Variants in CDC42BPB observed in about 807,000 individuals in gnomAD.
CDC42BPB encodes the protein serine/threonine-protein kinase MRCK beta.
In CDC42BPB, 37 loss-of-function variants were observed where a neutral mutation model predicts 214.9. The ratio of observed to expected loss-of-function variants is 0.17; its 90% confidence interval spans 0.13 to 0.23. CDC42BPB has a LOEUF of 0.23. CDC42BPB is among the 10% of genes least tolerant of loss of function. The pLI, the probability that CDC42BPB is intolerant of heterozygous loss-of-function variation, is 1.00. For missense variants in CDC42BPB, 1,694 were observed against 2,227.0 expected (o/e 0.76, Z 4.82); for synonymous variants, 931 against 884.0 (o/e 1.05, Z -0.94).
chr14:103,056,770 A>T (rs568587662), intron 1 of CDC42BPB, among the ~76,000 whole-genome samples: 25 of 152,124 alleles, frequency 1.6e-4, no homozygotes, highest in South Asian at 4.1e-4. Flanking sequence ...TAGGGAGGGC[A>T]AGGAGGGATG....
At chr14:103,042,756 C>A (rs1022337022) in intron 1 of CDC42BPB, among the ~76,000 whole-genome samples, 3 of 152,176 alleles carry the variant, frequency 2.0e-5, no homozygotes, top group African/African-American at 7.2e-5. Flanking sequence ...TGAGAAACGA[C>A]TTCACACCCA....
intron 3 of CDC42BPB, 145 bp downstream of exon 3, chr14:103,008,327 T>A: frequency 1.7e-6 from 1 of 596,454 alleles, no homozygotes; most frequent in Non-Finnish European, 3.0e-6. Flanking sequence ...GACTGAGACC[T>A]CCTCAAAAGA....
At chr14:103,031,951 C>CAACT (rs974195478) in intron 1 of CDC42BPB, among the ~76,000 whole-genome samples, 2 of 151,850 alleles carry the variant, frequency 1.3e-5, no homozygotes, top group African/African-American at 4.8e-5. Context: ...CTCCAGTGAA[C>CAACT]AACTACTATA....
chr14:102,975,757 G>T lies in CDC42BPB; in HGVS notation c.1434C>A (p.Leu478=). 6.2e-7 allele frequency: 1 copy of T among 1,614,062 alleles called. No individual in the cohort carries two copies. Among genetic ancestry groups the T allele is most frequent in the Non-Finnish European group, 8.5e-7 (1 of 1,179,982 alleles). ...TTTCTTTATCTCGGTTTGAATTGCT[G>T]AGGGCCCGAGATGAGCCGTGGAGGG... The part of the protein sequence containing the change: ...VQSLHGSSRA[L]SNSNRDKEIK... Residue 478 remains leucine, a synonymous_variant, in exon 11 of 37, where the codon CTC becomes CTA. Coordinates refer to ENST00000361246, the MANE Select transcript of CDC42BPB (RefSeq NM_006035.4).
chr14:103,002,347 A>T (rs1344080114), intron 4 of CDC42BPB, among the ~76,000 whole-genome samples: 2 of 152,192 alleles, frequency 1.3e-5, no homozygotes, highest in Non-Finnish European at 2.9e-5. Flanking sequence ...GCAACTCCAA[A>T]ATCTCAAGAA....
At position 102,996,966 on chromosome 14, in the gene CDC42BPB, T is replaced by G. The variant is rs921414831; in HGVS notation, c.596+2599A>C. Among the ~76,000 whole-genome samples the G allele has an allele frequency of 1.8e-3, 277 of 152,304 alleles. 2 individuals are homozygous for G. The highest frequency in any genetic ancestry group is 6.4e-3 in the African/African-American group (267 of 41,564). On this transcript the variant is annotated intron_variant, in intron 5 of 36. Transcript: ENST00000361246. ...TCTATCGGGACAGCTCCCTGTGTGC[T>G]GGGAGGTGCGAGCCATCAGCAATGA... is the stretch of plus-strand genomic sequence containing the variant.
intron 1 of CDC42BPB, 75 bp downstream of exon 1, chr14:103,056,924 G>A: frequency 9.2e-7 from 1 of 1,087,460 alleles, no homozygotes; most frequent in Non-Finnish European, 1.2e-6. Context: ...GCGGGGATGG[G>A]CGGGCGTGGG....
At chr14:102,997,656 G>T (rs941383922) in intron 5 of CDC42BPB, among the ~76,000 whole-genome samples, 6 of 152,176 alleles carry the variant, frequency 3.9e-5, no homozygotes, top group African/African-American at 1.4e-4. Context: ...CACAATATCT[G>T]GGGACAAATT....
chr14:103,048,874 C>CA (rs974412353), intron 1 of CDC42BPB, among the ~76,000 whole-genome samples: 258 of 130,740 alleles, frequency 2.0e-3, no homozygotes, highest in African/African-American at 2.9e-3. Context: ...CCTCCATCTC[C>CA]AAAAAAAAAA....
chr14:102,946,754 C>T, intron 27 of CDC42BPB, 70 bp from the exon 28 acceptor site: 1 of 1,567,220 alleles, frequency 6.4e-7, no homozygotes, highest in Non-Finnish European at 8.6e-7. Flanking sequence ...CTACCACGGC[C>T]CTGCTGGAGC....
intron 5 of CDC42BPB, among the ~76,000 whole-genome samples, chr14:102,990,450 G>T (rs1225664675): frequency 6.6e-6 from 1 of 152,172 alleles, no homozygotes; most frequent in Non-Finnish European, 1.5e-5. Flanking sequence ...GTGAGTGCAC[G>T]TACTAACGGT....
At chr14:103,015,794 C>T (rs1230459544) in intron 1 of CDC42BPB, among the ~76,000 whole-genome samples, 4 of 152,024 alleles carry the variant, frequency 2.6e-5, no homozygotes, top group South Asian at 2.1e-4. Flanking sequence ...CTGCAACCTC[C>T]GCCTCCTGGG....
At chr14:102,952,409 A>C (rs1892529792) in intron 24 of CDC42BPB, 89 bp downstream of exon 24, 1 of 792,046 alleles carries the variant, frequency 1.3e-6, no homozygotes, top group East Asian at 2.7e-5. Flanking sequence ...GTTTGCTTGC[A>C]TCAGGGCTGC....
chr14:102,976,419 C>A (rs980223458), intron 9 of CDC42BPB, among the ~76,000 whole-genome samples: 1 of 152,254 alleles, frequency 6.6e-6, no homozygotes, highest in Non-Finnish European at 1.5e-5. Flanking sequence ...CCACTGAAAG[C>A]TTCCTGGTTT....
intron 2 of CDC42BPB, 117 bp from the exon 3 acceptor site, chr14:103,008,672 C>CG: frequency 1.4e-6 from 2 of 1,475,602 alleles, no homozygotes; most frequent in Non-Finnish European, 1.8e-6. Flanking sequence ...CAGCAGTGAC[C>CG]GAAAGCCAAG....
intron 8 of CDC42BPB, among the ~76,000 whole-genome samples, chr14:102,980,320 C>T (rs1233167546): frequency 2.0e-5 from 3 of 152,140 alleles, no homozygotes; most frequent in East Asian, 1.9e-4. Flanking sequence ...TGGTGAAACC[C>T]CGTCTCTACT....
At chr14:102,934,878 T>G (rs111639824) in intron 36 of CDC42BPB, among the ~76,000 whole-genome samples, 2 of 149,348 alleles carry the variant, frequency 1.3e-5, no homozygotes, top group Non-Finnish European at 3.0e-5. Context: ...GGCATGGTGG[T>G]GGGCACCTGT....
At chr14:102,938,634 T>C (rs1028910805) in intron 34 of CDC42BPB, 83 of 842,180 alleles carry the variant, frequency 9.9e-5, no homozygotes, top group Non-Finnish European at 1.1e-4. Context: ...GTACTTTTTT[T>C]GTTTGTTTGT....
intron 1 of CDC42BPB, among the ~76,000 whole-genome samples, chr14:103,033,813 G>A (rs1393756776): frequency 7.9e-5 from 12 of 152,146 alleles, no homozygotes; most frequent in African/African-American, 2.4e-4. Flanking sequence ...AGATTGAATC[G>A]AAATCACTAC....
Sources: gnomAD v4.1 joint callset for allele counts (sites outside exome capture counted in the v4.1 genomes callset) on GRCh38, gnomAD v4.1.1 for gene constraint, MANE v1.5 for transcripts, NCBI Gene and HGNC (gene_info 2026-07-23, HGNC 2026-07-21) for gene names.